Variants in PDE1B observed in about 807,000 individuals in gnomAD.
The protein encoded by PDE1B is dual specificity calcium/calmodulin-dependent 3',5'-cyclic nucleotide phosphodiesterase 1B.
In PDE1B, 13 loss-of-function variants were observed where a neutral mutation model predicts 66.7. That is an observed-to-expected ratio of 0.19 (90% CI 0.13 to 0.31). The LOEUF (loss-of-function observed/expected upper bound fraction) is 0.31, where lower values mean the gene tolerates loss of function less well. Ranked by LOEUF, PDE1B falls within the 10% of genes least tolerant of loss-of-function variation. PDE1B has a pLI of 1.00. For missense variants in PDE1B, 485 were observed against 682.3 expected, an observed-to-expected ratio of 0.71 and a Z score of 3.22; for synonymous variants, 230 against 253.9, an observed-to-expected ratio of 0.91 and a Z score of 0.90.
chr12:54,568,289 C>T (rs912620966), intron 3 of PDE1B, among the ~76,000 whole-genome samples: 5 of 151,880 alleles, frequency 3.3e-5, no homozygotes. Flanking sequence ...CATGATGAAA[C>T]CCTGTCTCTA....
chr12:54,576,472 C>A, intron 13 of PDE1B, 99 bp from the exon 14 acceptor site: 1 of 1,439,296 alleles, frequency 6.9e-7, no homozygotes, highest in Non-Finnish European at 9.6e-7. Flanking sequence ...GTTCCCTGAA[C>A]CTTCTCCTGG....
Position 54,577,241 on chromosome 12 carries a change from G to A in PDE1B, c.1524G>A (p.Met508Ile). 1.2e-6 allele frequency: 2 copies of A among 1,613,920 alleles called. No homozygotes were observed. The highest frequency in any genetic ancestry group is 1.7e-6 in the Non-Finnish European group (2 of 1,179,872). ...ERAASGITNQMSIDELSPCEE... is the reference protein window; with the variant it reads ...ERAASGITNQISIDELSPCEE... ...CCTCTACAGGCATCACCAACCAGAT[G>A]TCCATTGACGAGCTGTCCCCCTGTG... The change falls in exon 15 of 16, where the codon ATG becomes ATA. Residue 508 changes from methionine (M) to isoleucine (I), a missense_variant. Physicochemically the swap from Met to Ile is conservative, Grantham distance 10. Around this residue, in one of 4 missense-constraint regions of PDE1B, gnomAD observed 126 missense variants for 133.8 expected, o/e 0.94. Coordinates refer to ENST00000243052, the MANE Select transcript of PDE1B (RefSeq NM_000924.4).
chr12:54,562,745 G>A (rs1017252161), intron 2 of PDE1B, among the ~76,000 whole-genome samples: 3 of 152,198 alleles, frequency 2.0e-5, no homozygotes, highest in Admixed American at 2.0e-4. Flanking sequence ...TCAGGAGGTT[G>A]CAGTTCAGCA....
Position 54,576,105 on chromosome 12 carries a change from G to A in PDE1B, c.1376+5G>A. The stretch of plus-strand genomic sequence containing the variant: ...CAAGTCTAAAAACCAGCCCAGGTGA[G>A]GGTGGCTGGGGTAGCCAGATATCTT... On this transcript the variant is annotated splice_donor_5th_base_variant and intron_variant, in intron 13 of 15. Coordinates refer to ENST00000243052, the MANE Select transcript of PDE1B (RefSeq NM_000924.4). The A allele has an allele frequency of 1.3e-6, 2 of 1,548,726 alleles. No individual in the cohort carries two copies. Among genetic ancestry groups the A allele is most frequent in the South Asian group, 2.2e-5 (2 of 89,850 alleles).
chr12:54,561,581 T>C, intron 2 of PDE1B: 1 of 1,524,648 alleles, frequency 6.6e-7, no homozygotes, highest in Non-Finnish European at 8.8e-7. Flanking sequence ...AAACTTTGAT[T>C]CCCATGGCAA....
chr12:54,576,088 A>G lies in PDE1B; in HGVS notation c.1364A>G (p.Lys455Arg), dbSNP rs774111910. 4.4e-6 allele frequency: 7 copies of G among 1,607,448 alleles called. No homozygotes were observed. Among genetic ancestry groups the G allele is most frequent in the Non-Finnish European group, 6.0e-6 (7 of 1,173,882 alleles). The stretch of plus-strand genomic sequence containing the variant: ...CTGGCGGATGAGGACTCCAAGTCTA[A>G]AAACCAGCCCAGGTGAGGGTGGCTG... ...QPLADEDSKS[K>R]NQPSFQWRQP... The change falls in exon 13 of 16, where the codon AAA becomes AGA. Residue 455 changes from lysine to arginine, a missense_variant. Transcript: ENST00000243052.
At chr12:54,577,079 C>T (rs1194014158) in intron 14 of PDE1B, 146 bp from the exon 15 acceptor site, 1 of 728,756 alleles carries the variant, frequency 1.4e-6, no homozygotes. Flanking sequence ...TGGAGAGGCT[C>T]TTCCCAAGTG....
intron 2 of PDE1B, among the ~76,000 whole-genome samples, chr12:54,551,537 T>C (rs1957277812): frequency 6.6e-6 from 1 of 152,068 alleles, no homozygotes; most frequent in Admixed American, 6.5e-5. Flanking sequence ...GATAAGGAAG[T>C]AGTTGAAAGG....
rs994554840 is a variant in PDE1B, at chr12:54,578,121, C to T, written c.*279C>T. On this transcript the variant is annotated 3_prime_UTR_variant, in exon 16 of 16. Transcript: ENST00000243052. ...TCAGCCTCTGGATTCTCTTCATGGC[C>T]AGGTGGCTGCCAGGGAGCGGGGAGC... 2.0e-5 allele frequency: 3 copies of T among 152,300 alleles called. No homozygotes were observed. The highest frequency in any genetic ancestry group is 4.4e-5 in the Non-Finnish European group (3 of 68,112). The allele number at this position is 152,300 out of a possible 1,614,324, so 9.4% of individuals were successfully genotyped here. A position where few individuals can be genotyped will look rare whatever the true frequency, so the allele number is the denominator to read the frequency against.
Position 54,569,421 on chromosome 12 carries a change from C to G in PDE1B, c.410+55C>G. On this transcript the variant is annotated intron_variant, in intron 4 of 15. Transcript: ENST00000243052. This position sits in a 1 kb window ranked among gnomAD's most constrained non-coding sequence, Gnocchi z 4.4. ...TGCCTTTAGCTGTGCCCCTCTTTCC[C>G]AGCCACCCTGGTCTTCCATGACCAC... The G allele has an allele frequency of 1.3e-6, 2 of 1,589,316 alleles. No homozygotes were observed. The highest frequency in any genetic ancestry group is 1.7e-6 in the Non-Finnish European group (2 of 1,165,502).
chr12:54,572,810 G>A (rs1187337189), intron 7 of PDE1B, 69 bp downstream of exon 7: 1 of 1,460,662 alleles, frequency 6.8e-7, no homozygotes, highest in Admixed American at 1.8e-5. Flanking sequence ...GGTCTAGACT[G>A]TACTCCCATT....
intron 6 of PDE1B, 93 bp downstream of exon 6, chr12:54,570,450 C>A: frequency 1.3e-6 from 1 of 778,324 alleles, no homozygotes; most frequent in Admixed American, 1.8e-5. Flanking sequence ...TTCCATAGAT[C>A]CCCTCACTCA....
chr12:54,560,899 C>A (rs1565694341), intron 2 of PDE1B, among the ~76,000 whole-genome samples: 1 of 152,080 alleles, frequency 6.6e-6, no homozygotes, highest in Admixed American at 6.5e-5. Flanking sequence ...TCTTGACTTT[C>A]CTTCTCTGCT....
chr12:54,551,193 ATTG>A (rs1957273151), intron 2 of PDE1B, among the ~76,000 whole-genome samples: 1 of 152,180 alleles, frequency 6.6e-6, no homozygotes, highest in Non-Finnish European at 1.5e-5. Context: ...CTTATGTTGT[ATTG>A]TTCTTTAAAT....
intron 13 of PDE1B, 36 bp downstream of exon 13, chr12:54,576,136 A>G (rs1957739544): frequency 7.8e-7 from 1 of 1,283,854 alleles, no homozygotes; most frequent in African/African-American, 1.5e-5. Flanking sequence ...ATCTTGGTTC[A>G]GGAAGGCAGT....
chr12:54,552,804 C>A (rs1957295342), intron 2 of PDE1B, among the ~76,000 whole-genome samples: 1 of 152,126 alleles, frequency 6.6e-6, no homozygotes, highest in East Asian at 1.9e-4. Context: ...ATGAGTTGGC[C>A]AGGATGATTT....
At chr12:54,560,987 C>G (rs1190103769) in intron 2 of PDE1B, among the ~76,000 whole-genome samples, 1 of 152,100 alleles carries the variant, frequency 6.6e-6, no homozygotes, top group East Asian at 1.9e-4. Context: ...TTCAGGAAGC[C>G]CCTCCCTACA....
chr12:54,553,679 G>C (rs1246272460), intron 2 of PDE1B, among the ~76,000 whole-genome samples: 1 of 152,182 alleles, frequency 6.6e-6, no homozygotes, highest in South Asian at 2.1e-4. Context: ...CGTGTTTGTT[G>C]AGTGGCGGGG....
intron 2 of PDE1B, among the ~76,000 whole-genome samples, chr12:54,564,487 A>G (rs979657753): frequency 6.6e-5 from 10 of 152,156 alleles, no homozygotes; most frequent in Non-Finnish European, 1.3e-4. Flanking sequence ...AAAAAAAATT[A>G]GCCGGGCATG....
Sources: allele counts gnomAD v4.1 joint callset (sites outside exome capture counted in the v4.1 genomes callset), GRCh38; gene constraint gnomAD v4.1.1; regional missense constraint gnomAD v4.1.1; non-coding constraint Gnocchi (gnomAD v3.1); transcripts MANE v1.5; gene names NCBI Gene and HGNC (gene_info 2026-07-23, HGNC 2026-07-21).